The following PLXNA1 variants were observed in gnomAD, a reference collection of about 807,000 sequenced individuals.
The protein encoded by PLXNA1 is plexin A1.
PLXNA1 carries 77 observed loss-of-function variants against 191.7 expected under a neutral mutation model. That is an observed-to-expected ratio of 0.40 (90% CI 0.33 to 0.49). The LOEUF (loss-of-function observed/expected upper bound fraction) is 0.49, where lower values mean the gene tolerates loss of function less well. Among genes scored for constraint, PLXNA1 ranks in the 20% least tolerant of loss-of-function variants. The pLI is 0.63. For synonymous variants in PLXNA1, 1,137 were observed against 1,156.4 expected (o/e 0.98, Z 0.34); for missense variants, 2,110 against 2,660.2 (o/e 0.79, Z 4.55).
At chr3:127,024,634 G>A (rs1000189451) in intron 23 of PLXNA1, among the ~76,000 whole-genome samples, 1 of 151,998 alleles carries the variant, frequency 6.6e-6, no homozygotes. Flanking sequence ...TACCAGTGTC[G>A]GGGGCAGGCA....
chr3:127,029,016 C>T lies in PLXNA1; in HGVS notation c.4693C>T (p.Arg1565Cys), dbSNP rs745655858. 4.6e-5 allele frequency: 74 copies of T among 1,613,160 alleles called. No individual in the cohort carries two copies. The South Asian group carries it at 6.4e-4, about 14-fold the overall frequency. The change falls in exon 26 of 32, where the codon CGC becomes TGC. Residue 1565 changes from arginine to cysteine, a missense_variant. Around this residue, in one of 4 missense-constraint regions of PLXNA1, gnomAD observed 559 missense variants for 911.5 expected, o/e 0.61. Transcript: ENST00000393409. ...DLEWRQGRMA[R>C]IILQDEDVTT... ...AGAGTGGCGCCAGGGCCGCATGGCG[C>T]GCATCATCCTGCAGGACGAGGACGT...
intron 1 of PLXNA1, among the ~76,000 whole-genome samples, chr3:126,987,093 C>CA (rs2078962665): frequency 6.6e-6 from 1 of 152,240 alleles, no homozygotes; most frequent in African/African-American, 2.4e-5. Context: ...AAGGGGGTGG[C>CA]ACTGCTGACT....
At chr3:127,007,265 G>A (rs2079073912) in intron 8 of PLXNA1, among the ~76,000 whole-genome samples, 1 of 152,198 alleles carries the variant, frequency 6.6e-6, no homozygotes, top group South Asian at 2.1e-4. Flanking sequence ...AGCGCCTACA[G>A]TGGCCAGCCT....
At chr3:127,012,241 T>C (rs2079099716) in intron 10 of PLXNA1, 83 bp downstream of exon 10, 1 of 1,432,288 alleles carries the variant, frequency 7.0e-7, no homozygotes, top group Non-Finnish European at 9.6e-7. Flanking sequence ...GGCGTGTGCT[T>C]GTTCATAAAG....
chr3:127,029,586 G>T, intron 27 of PLXNA1, 50 bp downstream of exon 27: 1 of 1,574,640 alleles, frequency 6.4e-7, no homozygotes, highest in Non-Finnish European at 8.7e-7. Flanking sequence ...TCCCTGGCCT[G>T]GGCAGGACGT....
At chr3:127,028,464 C>A in intron 25 of PLXNA1, 124 bp downstream of exon 25, 1 of 1,137,550 alleles carries the variant, frequency 8.8e-7, no homozygotes, top group Non-Finnish European at 1.2e-6. Flanking sequence ...GTCTGGAGGG[C>A]AGTGGAATGG....
chr3:127,005,736 G>A (rs1046293648), intron 7 of PLXNA1, among the ~76,000 whole-genome samples: 38 of 151,570 alleles, frequency 2.5e-4, no homozygotes, highest in African/African-American at 8.5e-4. Context: ...TATGTGGGGC[G>A]CAGGTTGGGT....
intron 23 of PLXNA1, chr3:127,026,463 G>A (rs1038892138): frequency 6.6e-6 from 1 of 152,220 alleles, no homozygotes; most frequent in Non-Finnish European, 1.5e-5. Flanking sequence ...TTCACTCTCT[G>A]AGGCCAGGCC....
At chr3:127,029,686 G>C in intron 27 of PLXNA1, 150 bp downstream of exon 27, 1 of 1,077,828 alleles carries the variant, frequency 9.3e-7, no homozygotes, top group Non-Finnish European at 1.4e-6. Context: ...TTACCCTCCA[G>C]CTCTGGAGGC....
Position 127,001,577 on chromosome 3 carries a change from G to T in PLXNA1, c.1378-1753G>T, listed in dbSNP as rs866888984. 3.9e-5 allele frequency among the ~76,000 whole-genome samples: 6 copies of T among 152,202 alleles called. No homozygotes were observed. The South Asian group carries it at 8.3e-4, about 21-fold the overall frequency. Reference sequence around the variant, plus strand: ...AGAGGAATCGTGGTCCCTAACCGGGGTCTTCCAGGTTGGAGCCGCAGGTCT... The same window carrying T: ...AGAGGAATCGTGGTCCCTAACCGGGTTCTTCCAGGTTGGAGCCGCAGGTCT... On this transcript the variant is annotated intron_variant, in intron 3 of 31. Transcript: ENST00000393409.
intron 9 of PLXNA1, among the ~76,000 whole-genome samples, chr3:127,010,798 G>A (rs145030532): frequency 6.6e-6 from 1 of 152,326 alleles, no homozygotes; most frequent in Non-Finnish European, 1.5e-5. Context: ...CACCAACAAA[G>A]CCCGTCCCTC....
intron 26 of PLXNA1, 132 bp downstream of exon 26, chr3:127,029,228 C>A: frequency 1.2e-6 from 1 of 834,586 alleles, no homozygotes; most frequent in East Asian, 2.6e-5. Flanking sequence ...GAGGTGGTCA[C>A]TTATGTGTGT....
chr3:127,028,681 C>G (rs1417368155), intron 25 of PLXNA1: 1 of 524,888 alleles, frequency 1.9e-6, no homozygotes, highest in African/African-American at 1.9e-5. Flanking sequence ...GCCCGGAGTC[C>G]TGCTGCAGAT....
At chr3:127,007,721 G>A in intron 8 of PLXNA1, 78 bp from the exon 9 acceptor site, 2 of 855,502 alleles carry the variant, frequency 2.3e-6, no homozygotes, top group Admixed American at 1.9e-5. Flanking sequence ...AGCAGGGGCG[G>A]CACAGTGTCC....
chr3:127,002,905 G>A lies in PLXNA1; in HGVS notation c.1378-425G>A, dbSNP rs934636389. Among the ~76,000 whole-genome samples, 12 of 152,208 alleles carry A rather than the reference G, an allele frequency of 7.9e-5. No homozygotes were observed. The East Asian group carries it at 2.3e-3, about 29-fold the overall frequency. ...GTCCACTGCCCTAGACTTCCTGTGA[G>A]CCCTGGCCTCTGCCCCCGACAACCA... On this transcript the variant is annotated intron_variant, in intron 3 of 31. Coordinates refer to ENST00000393409, the MANE Select transcript of PLXNA1 (RefSeq NM_032242.4).
Position 127,029,553 on chromosome 3 carries a change from C to A in PLXNA1, c.4870+17C>A. 6.2e-7 allele frequency: 1 copy of A among 1,610,076 alleles called. No individual in the cohort carries two copies. The highest frequency in any genetic ancestry group is 1.1e-5 in the South Asian group (1 of 91,012). On this transcript the variant is annotated intron_variant, in intron 27 of 31. Coordinates refer to ENST00000393409, the MANE Select transcript of PLXNA1 (RefSeq NM_032242.4). The stretch of plus-strand genomic sequence containing the variant: ...GCAGATACGGTGAGGGGCCAGGCAG[C>A]GGGCGAGAGGGCAGCGCATGGGTCC...
intron 3 of PLXNA1, among the ~76,000 whole-genome samples, chr3:126,993,395 C>A (rs1325157162): frequency 6.6e-6 from 1 of 152,232 alleles, no homozygotes; most frequent in Non-Finnish European, 1.5e-5. Flanking sequence ...GGAGCCTGTC[C>A]TCTGCTCCCT....
intron 2 of PLXNA1, among the ~76,000 whole-genome samples, chr3:126,990,628 G>T (rs561649949): frequency 6.6e-6 from 1 of 152,322 alleles, no homozygotes; most frequent in African/African-American, 2.4e-5. Context: ...GCCCTCTCTG[G>T]CTGTAGTCTC....
chr3:127,032,661 T>C (rs1459765312), intron 30 of PLXNA1, 25 bp from the exon 31 acceptor site: 2 of 1,611,762 alleles, frequency 1.2e-6, no homozygotes, highest in African/African-American at 2.7e-5. Context: ...TCTGCTCATG[T>C]GCCCACCTGG....
Sources: gnomAD v4.1 joint callset for allele counts (sites outside exome capture counted in the v4.1 genomes callset) on GRCh38, gnomAD v4.1.1 for gene constraint, gnomAD v4.1.1 regional missense constraint, MANE v1.5 for transcripts, NCBI Gene and HGNC (gene_info 2026-07-23, HGNC 2026-07-21) for gene names.